SOCS6: variants seen among roughly 807,000 people sequenced by gnomAD.
SOCS6 encodes the protein suppressor of cytokine signaling 6.
In SOCS6, 5 loss-of-function variants were observed where a neutral mutation model predicts 27.7. The observed-to-expected ratio is 0.18, with a 90% CI of 0.09 to 0.38. The LOEUF is 0.38. Among genes scored for constraint, SOCS6 ranks in the 10% least tolerant of loss-of-function variants. SOCS6 has a pLI of 1.00. For synonymous variants in SOCS6, 271 were observed against 260.0 expected (o/e 1.04, Z -0.41); for missense variants, 595 against 688.1 (o/e 0.86, Z 1.51).
At chr18:70,289,269 C>T (rs1372585149) in intron 1 of SOCS6, among the ~76,000 whole-genome samples, 179 bp downstream of exon 1, 1 of 148,984 alleles carries the variant, frequency 6.7e-6, no homozygotes, top group Non-Finnish European at 1.5e-5. Flanking sequence ...TGGGTCAGCG[C>T]GAGGCCCTGC....
chr18:70,315,103 C>G (rs1198900432), intron 1 of SOCS6, among the ~76,000 whole-genome samples: 1 of 152,074 alleles, frequency 6.6e-6, no homozygotes, highest in African/African-American at 2.4e-5. Context: ...CCAATGTTTG[C>G]TGGTATTTAC....
Position 70,325,216 on chromosome 18 carries a change from C to T in SOCS6, c.548C>T (p.Thr183Met). The change falls in exon 2 of 2, where the codon ACG (threonine) becomes ATG (methionine). Residue 183 changes from threonine (T) to methionine (M), a missense_variant. Transcript: ENST00000397942. The surrounding 1 kb of genome is among the most constrained non-coding windows in gnomAD (Gnocchi z 6.3). The stretch of plus-strand genomic sequence containing the variant: ...TTCCACGACCTCCAGTCTGAGACCA[C>T]GTGCCAGGAGCAAGCCAATTCACTG... ...KDFHDLQSET[T>M]CQEQANSLKS... 6.2e-6 allele frequency: 10 copies of T among 1,614,138 alleles called. No individual in the cohort carries two copies. The highest frequency in any genetic ancestry group is 8.5e-6 in the Non-Finnish European group (10 of 1,179,986).
intron 1 of SOCS6, among the ~76,000 whole-genome samples, chr18:70,302,325 C>G (rs1455766731): frequency 6.6e-6 from 1 of 151,140 alleles, no homozygotes; most frequent in East Asian, 1.9e-4. Flanking sequence ...AGGGAGTGTT[C>G]CAGGGGTAAT....
intron 1 of SOCS6, among the ~76,000 whole-genome samples, chr18:70,324,164 T>C (rs2231557): frequency 0.016 from 2,492 of 151,998 alleles, 31 homozygotes; most frequent in Middle Eastern, 0.031. Context: ...TAGCTGAGTG[T>C]GGTGGTGGGC....
rs752996222 is a variant in SOCS6, at chr18:70,324,991, C to T, written c.323C>T (p.Ser108Leu). Residue 108 changes from serine to leucine, a missense_variant, in exon 2 of 2, where the codon TCA (serine) becomes TTA (leucine). Transcript: ENST00000397942. Reference sequence around the variant, plus strand: ...GACGAGGACACCTTCTCCTCCTCCTCAGCACCCATAGTCTTTAAAGACGTG... The same window carrying T: ...GACGAGGACACCTTCTCCTCCTCCTTAGCACCCATAGTCTTTAAAGACGTG... Reference protein sequence around the residue: ...SADEDTFSSSSAPIVFKDVRA... With the variant: ...SADEDTFSSSLAPIVFKDVRA... 4 of 1,613,850 alleles carry T rather than the reference C, an allele frequency of 2.5e-6. No homozygotes were observed. The South Asian group carries it at 3.3e-5, about 13-fold the overall frequency.
At chr18:70,321,672 A>G (rs1041088794) in intron 1 of SOCS6, among the ~76,000 whole-genome samples, 2 of 151,814 alleles carry the variant, frequency 1.3e-5, no homozygotes, top group African/African-American at 2.4e-5. Context: ...AAGAGATGCA[A>G]CCCACATAAA....
At chr18:70,305,891 G>T (rs1201752791) in intron 1 of SOCS6, among the ~76,000 whole-genome samples, 1 of 152,038 alleles carries the variant, frequency 6.6e-6, no homozygotes, top group Non-Finnish European at 1.5e-5. Flanking sequence ...GGGTGGGTGT[G>T]TGGGGGTGTG....
intron 1 of SOCS6, among the ~76,000 whole-genome samples, chr18:70,318,649 T>C (rs915661898): frequency 4.6e-5 from 7 of 152,076 alleles, no homozygotes; most frequent in Admixed American, 4.6e-4. Context: ...AAAATGTTTT[T>C]CTTCTAGGCC....
chr18:70,324,465 A>C, intron 1 of SOCS6, 78 bp from the exon 2 acceptor site: 1 of 443,616 alleles, frequency 2.3e-6, no homozygotes, highest in Non-Finnish European at 3.9e-6. Flanking sequence ...TCAGAAGTTA[A>C]AGGATTAAAA....
Position 70,325,072 on chromosome 18 carries a change from C to T in SOCS6, c.404C>T (p.Ala135Val), listed in dbSNP as rs766362457. The T allele has an allele frequency of 5.6e-6, 9 of 1,614,052 alleles. No individual in the cohort carries two copies. Among genetic ancestry groups the T allele is most frequent in the South Asian group, 2.2e-5 (2 of 91,092 alleles). The change falls in exon 2 of 2, where the codon GCG becomes GTG. Residue 135 changes from alanine (A) to valine (V), a missense_variant. Coordinates refer to ENST00000397942, the MANE Select transcript of SOCS6 (RefSeq NM_004232.4). The surrounding 1 kb of genome is among the most constrained non-coding windows in gnomAD (Gnocchi z 6.3). ...TSLRSHHYSP[A>V]PWPLRPTNSE... ...CTCCGCAGCCATCACTACAGTCCCG[C>T]GCCGTGGCCTCTGCGGCCCACAAAC...
intron 1 of SOCS6, among the ~76,000 whole-genome samples, chr18:70,321,302 A>C (rs9964818): frequency 0.075 from 9,996 of 133,058 alleles, 1,293 homozygotes; most frequent in African/African-American, 0.26. Context: ...ATAAATAACA[A>C]ATTTTCTCAG....
At chr18:70,308,154 C>A (rs2146276688) in intron 1 of SOCS6, among the ~76,000 whole-genome samples, 1 of 152,238 alleles carries the variant, frequency 6.6e-6, no homozygotes, top group East Asian at 1.9e-4. Flanking sequence ...GTAGATATAT[C>A]ATTAATTTAC....
intron 1 of SOCS6, among the ~76,000 whole-genome samples, chr18:70,316,250 ATTTTT>A (rs987973298): frequency 6.6e-6 from 1 of 151,424 alleles, no homozygotes; most frequent in Non-Finnish European, 1.5e-5. Flanking sequence ...AATTTAATTA[ATTTTT>A]TTTTGTTTGT....
intron 1 of SOCS6, among the ~76,000 whole-genome samples, chr18:70,309,133 A>G (rs2062380385): frequency 6.6e-6 from 1 of 152,268 alleles, no homozygotes. Flanking sequence ...GAAAGCAGCC[A>G]TAAAAGATAT....
chr18:70,297,327 GTGTATGT>G (rs2062328755), intron 1 of SOCS6, among the ~76,000 whole-genome samples: 1 of 149,350 alleles, frequency 6.7e-6, no homozygotes. Flanking sequence ...AGATAAAGAA[GTGTATGT>G]TTAATCAGGA....
intron 1 of SOCS6, among the ~76,000 whole-genome samples, chr18:70,317,689 T>C (rs186210816): frequency 7.2e-4 from 109 of 151,944 alleles, no homozygotes; most frequent in Middle Eastern, 6.8e-3. Flanking sequence ...TTTTTTTTTT[T>C]CCCTCTGGGT....
intron 1 of SOCS6, among the ~76,000 whole-genome samples, chr18:70,294,698 C>G (rs1268945911): frequency 6.6e-6 from 1 of 152,144 alleles, no homozygotes; most frequent in Non-Finnish European, 1.5e-5. Context: ...GTGCAAGCTG[C>G]TAGACTGGTA....
At chr18:70,317,734 T>A (rs553542764) in intron 1 of SOCS6, among the ~76,000 whole-genome samples, 1 of 152,130 alleles carries the variant, frequency 6.6e-6, no homozygotes, top group African/African-American at 2.4e-5. Flanking sequence ...GATGAAATGG[T>A]AGAGCTACTT....
intron 1 of SOCS6, among the ~76,000 whole-genome samples, chr18:70,297,480 A>G (rs1394532628): frequency 6.6e-6 from 1 of 152,170 alleles, no homozygotes; most frequent in African/African-American, 2.4e-5. Context: ...TAGTGCTCTC[A>G]TGAAGCCACA....
Sources: allele counts gnomAD v4.1 joint callset (sites outside exome capture counted in the v4.1 genomes callset), GRCh38; gene constraint gnomAD v4.1.1; non-coding constraint Gnocchi (gnomAD v3.1); transcripts MANE v1.5; gene names NCBI Gene and HGNC (gene_info 2026-07-23, HGNC 2026-07-21).